Variants in SPIN2A observed in about 807,000 individuals in gnomAD.
The protein encoded by SPIN2A is spindlin-2A.
A neutral mutation model predicts 9.2 loss-of-function variants in SPIN2A; 4 were observed. That is an observed-to-expected ratio of 0.44 (90% confidence interval 0.21 to 1.00). The LOEUF is 1.00. SPIN2A is among the 50% of genes least tolerant of loss of function. The pLI is 0.26. For missense variants in SPIN2A, 77 were observed against 172.8 expected, an observed-to-expected ratio of 0.45 and a Z score of 3.11; for synonymous variants, 25 against 61.2, an observed-to-expected ratio of 0.41 and a Z score of 2.76.
upstream of SPIN2A, among the ~76,000 whole-genome samples, chrX:57,140,966 T>C (rs1195137155): frequency 8.9e-6 from 1 of 111,918 alleles, no homozygotes; most frequent in Non-Finnish European, 1.9e-5. Context: ...ATGTACCCCA[T>C]GAAACTAATT....
At chrX:57,139,004 C>T (rs4826341), upstream of SPIN2A, among the ~76,000 whole-genome samples, 2 of 111,409 alleles carry the variant, frequency 1.8e-5, no homozygotes, top group African/African-American at 6.5e-5. Context: ...CTCTTGTTAC[C>T]TAGGTTGTCT....
upstream of SPIN2A, among the ~76,000 whole-genome samples, chrX:57,141,449 A>G (rs759136400): frequency 5.4e-5 from 6 of 112,055 alleles, no homozygotes; most frequent in African/African-American, 1.9e-4. Flanking sequence ...CCTTCCAAGA[A>G]TGAGTTTGGA....
chrX:57,144,548 T>C, the SPIN2A span, among the ~76,000 whole-genome samples: 1 of 109,188 alleles, frequency 9.2e-6, no homozygotes, highest in Non-Finnish European at 1.9e-5. Flanking sequence ...TGGTTTTTGG[T>C]GGAACAGGTG....
At chrX:57,138,329 T>C (rs1241504787), upstream of SPIN2A, among the ~76,000 whole-genome samples, 2 of 111,199 alleles carry the variant, frequency 1.8e-5, no homozygotes, top group Non-Finnish European at 3.8e-5. Context: ...ACAAACCAAA[T>C]GGGTGTACAA....
chrX:57,144,923 TACACAC>T, the SPIN2A span, among the ~76,000 whole-genome samples: 6 of 105,437 alleles, frequency 5.7e-5, no homozygotes, highest in South Asian at 4.2e-4. Context: ...TGTGTGTGCA[TACACAC>T]ACACACACAC....
upstream of SPIN2A, among the ~76,000 whole-genome samples, chrX:57,142,171 C>G (rs1243118084): frequency 1.8e-5 from 2 of 111,667 alleles, no homozygotes; most frequent in African/African-American, 6.5e-5. Flanking sequence ...TCTTAATTTT[C>G]TACTTCTTTA....
upstream of SPIN2A, among the ~76,000 whole-genome samples, chrX:57,138,158 TAAC>T (rs1475819108): frequency 8.9e-6 from 1 of 112,228 alleles, no homozygotes; most frequent in Non-Finnish European, 1.9e-5. Flanking sequence ...TTACAATACT[TAAC>T]AAACCTTATC....
At chrX:57,146,647 C>A in the SPIN2A span, among the ~76,000 whole-genome samples, 2 of 111,861 alleles carry the variant, frequency 1.8e-5, no homozygotes, top group South Asian at 7.5e-4. Context: ...TGTTCCAGTT[C>A]TCAGAGGAAA....
At chrX:57,145,716 C>G in the SPIN2A span, among the ~76,000 whole-genome samples, 1 of 112,022 alleles carries the variant, frequency 8.9e-6, no homozygotes, top group African/African-American at 3.2e-5. Flanking sequence ...CCTTGATACA[C>G]CTTGACTTGA....
At chrX:57,145,990 G>A in the SPIN2A span, among the ~76,000 whole-genome samples, 1 of 109,969 alleles carries the variant, frequency 9.1e-6, no homozygotes, top group African/African-American at 3.3e-5. Flanking sequence ...GTTGGGTAAT[G>A]TGATGCCTCC....
upstream of SPIN2A, among the ~76,000 whole-genome samples, chrX:57,139,720 C>T (rs1391153884): frequency 8.9e-6 from 1 of 111,802 alleles, no homozygotes; most frequent in Non-Finnish European, 1.9e-5. Flanking sequence ...TCCCAAAGTG[C>T]TGGGATTACA....
chrX:57,136,707 CT>C (rs1327279671), intron 1 of SPIN2A, 105 bp from the exon 2 acceptor site: 1 of 207,454 alleles, frequency 4.8e-6, no homozygotes, highest in African/African-American at 4.0e-5. Flanking sequence ...TAAGTTTCCC[CT>C]AGGAGCCTGG....
At chrX:57,145,917 G>A in the SPIN2A span, among the ~76,000 whole-genome samples, 1 of 111,287 alleles carries the variant, frequency 9.0e-6, no homozygotes, top group Non-Finnish European at 1.9e-5. Flanking sequence ...ATTGGTCTAT[G>A]TGCCTGTTTT....
chrX:57,141,593 C>G (rs1360145948), upstream of SPIN2A, among the ~76,000 whole-genome samples: 1 of 111,245 alleles, frequency 9.0e-6, no homozygotes, highest in Non-Finnish European at 1.9e-5. Flanking sequence ...TATTTTATTA[C>G]CATTGCTATC....
the SPIN2A span, among the ~76,000 whole-genome samples, chrX:57,144,923 T>C: frequency 9.5e-6 from 1 of 105,416 alleles, no homozygotes; most frequent in Admixed American, 1.0e-4. Flanking sequence ...TGTGTGTGCA[T>C]ACACACACAC....
chrX:57,146,869 A>C, the SPIN2A span, among the ~76,000 whole-genome samples: 7 of 111,836 alleles, frequency 6.3e-5, no homozygotes, highest in Non-Finnish European at 1.3e-4. Flanking sequence ...TATCACATTT[A>C]TTGACTTGCT....
the SPIN2A span, among the ~76,000 whole-genome samples, chrX:57,143,324 A>T: frequency 9.0e-6 from 1 of 110,933 alleles, no homozygotes; most frequent in Non-Finnish European, 1.9e-5. Flanking sequence ...TATTCTAACG[A>T]ATTGCTTTAA....
intron 1 of SPIN2A, 106 bp from the exon 2 acceptor site, chrX:57,136,708 T>C (rs1443781198): frequency 9.8e-6 from 2 of 204,470 alleles, no homozygotes; most frequent in African/African-American, 8.1e-5. Flanking sequence ...AAGTTTCCCC[T>C]AGGAGCCTGG....
At chrX:57,140,417 C>CAAAAAAAAAAA (rs60570721), upstream of SPIN2A, among the ~76,000 whole-genome samples, 3 of 64,791 alleles carry the variant, frequency 4.6e-5, no homozygotes, top group African/African-American at 2.0e-4. Context: ...CCATCTCTAC[C>CAAAAAAAAAAA]AAAAAAAAAA....
Sources: allele counts gnomAD v4.1 joint callset (sites outside exome capture counted in the v4.1 genomes callset), GRCh38; gene constraint gnomAD v4.1.1; transcripts MANE v1.5; gene names NCBI Gene and HGNC (gene_info 2026-07-23, HGNC 2026-07-21).